Variants in TBCD observed in about 807,000 individuals in gnomAD.
TBCD encodes tubulin-specific chaperone D.
A neutral mutation model predicts 169.3 loss-of-function variants in TBCD; 105 were observed. The observed-to-expected ratio is 0.62, with a 90% CI of 0.53 to 0.73. The LOEUF (loss-of-function observed/expected upper bound fraction) is 0.73. Ranked by LOEUF, TBCD falls within the 30% of genes least tolerant of loss-of-function variation. The probability of loss-of-function intolerance (pLI) is 0.00; values close to 1 mark genes in which losing one functional copy is unlikely to be tolerated. For synonymous variants in TBCD, 700 were observed against 643.9 expected, an observed-to-expected ratio of 1.09 and a Z score of -1.32; for missense variants, 1,444 against 1,600.1, an observed-to-expected ratio of 0.90 and a Z score of 1.66.
intron 13 of TBCD, among the ~76,000 whole-genome samples, chr17:82,828,445 C>T (rs1029183598): frequency 3.3e-5 from 5 of 150,668 alleles, no homozygotes; most frequent in South Asian, 2.1e-4. Flanking sequence ...GACACGCACA[C>T]GATTGAATAT....
intron 12 of TBCD, among the ~76,000 whole-genome samples, chr17:82,810,432 G>GCA (rs1159309723): frequency 6.6e-6 from 1 of 152,216 alleles, no homozygotes; most frequent in African/African-American, 2.4e-5. Flanking sequence ...AACAGAGTGA[G>GCA]ACCCGGTCTC....
In TBCD at chr17:82,782,659, C is replaced by T. The variant is rs972674296; in HGVS notation, c.771+938C>T. On this transcript the variant is annotated intron_variant, in intron 7 of 38. Coordinates refer to ENST00000355528, the MANE Select transcript of TBCD (RefSeq NM_005993.5). The surrounding 1 kb of genome is among the most constrained non-coding windows in gnomAD (Gnocchi z 5.1). ...CCGCGCCTGGAAGGACACTTTGGAG[C>T]GCGTTTTAGGGGAGATGATGAGTGC... 7.9e-5 allele frequency among the ~76,000 whole-genome samples: 12 copies of T among 152,150 alleles called. No individual in the cohort carries two copies. The highest frequency in any genetic ancestry group is 3.3e-4 in the Admixed American group (5 of 15,270).
rs1192883344 is a variant in TBCD at position 82,870,339 on chromosome 17, T to C, written c.1434T>C (p.Tyr478=). The change falls in exon 14 of 39, where the codon TAT becomes TAC. Residue 478 remains tyrosine (Y), a synonymous_variant. Coordinates refer to ENST00000355528, the MANE Select transcript of TBCD (RefSeq NM_005993.5). Reference sequence around the variant, plus strand: ...TGTGCTGGGCCTTCGCGCGTGCCTATGAGCCTCAGGAGCTGAAGCCCTTTG... The same window carrying C: ...TGTGCTGGGCCTTCGCGCGTGCCTACGAGCCTCAGGAGCTGAAGCCCTTTG... ...CYVCWAFARA[Y]EPQELKPFVT... is the part of the protein sequence containing the mutation. 6.2e-7 allele frequency: 1 copy of C among 1,613,288 alleles called. No homozygotes were observed. The highest frequency in any genetic ancestry group is 1.7e-5 in the Admixed American group (1 of 60,026).
intron 34 of TBCD, among the ~76,000 whole-genome samples, chr17:82,934,894 T>G (rs2062490199): frequency 6.6e-6 from 1 of 151,894 alleles, no homozygotes; most frequent in African/African-American, 2.4e-5. Context: ...AGCTCCGGAG[T>G]TTGAGACCAG....
intron 15 of TBCD, among the ~76,000 whole-genome samples, chr17:82,888,259 G>A (rs116134732): frequency 0.014 from 2,082 of 152,308 alleles, 64 homozygotes; most frequent in African/African-American, 0.048. Context: ...ACTGTGTGAC[G>A]GGCTGTGCTG....
chr17:82,900,634 C>T lies in TBCD; in HGVS notation c.1650-17C>T. 1 of 1,610,894 alleles carries T rather than the reference C, an allele frequency of 6.2e-7. No homozygotes were observed. The highest frequency in any genetic ancestry group is 8.5e-7 in the Non-Finnish European group (1 of 1,177,100). ...GTTCTTCCGCGTCTCACCACCTCTC[C>T]ATGCTGTCTTTTCCAGTGTGTTTAT... is the stretch of plus-strand genomic sequence containing the variant. On this transcript the variant is annotated splice_polypyrimidine_tract_variant and intron_variant, in intron 17 of 38. Transcript: ENST00000355528.
intron 16 of TBCD, 24 bp from the exon 17 acceptor site, chr17:82,893,522 TC>T: frequency 1.3e-6 from 2 of 1,539,726 alleles, no homozygotes; most frequent in Non-Finnish European, 8.9e-7. Context: ...TTCTTCTTTT[TC>T]CCCCATTTCC....
chr17:82,860,958 C>T (rs1046955850), intron 13 of TBCD, among the ~76,000 whole-genome samples: 1 of 152,134 alleles, frequency 6.6e-6, no homozygotes, highest in Non-Finnish European at 1.5e-5. Flanking sequence ...AGGGACTTGG[C>T]GGGGGGAGCT....
In TBCD at chr17:82,790,233, C is replaced by G. The variant is rs1001272852; in HGVS notation, c.772-7524C>G. On this transcript the variant is annotated intron_variant, in intron 7 of 38. Transcript: ENST00000355528. ...CTCCCGCCTCTCCTGTGGCTGTCGG[C>G]TGCAGTAAAGGTGCTGGTGGAGGGT... Among the ~76,000 whole-genome samples, 161 of 152,306 alleles carry G rather than the reference C, an allele frequency of 1.1e-3. 1 individual carries two copies. The highest frequency in any genetic ancestry group is 0.01 in the Middle Eastern group (3 of 294).
chr17:82,905,077 GCCTC>G lies in TBCD; in HGVS notation c.1805-854_1805-851del, dbSNP rs2060142099. Reference sequence around the variant, plus strand: ...TTCCCCACGCAGGTGTGGCAGAGCCGCCTCCCTCTGCGTCCGTGAGGGTTCTGAG... The same window carrying G: ...TTCCCCACGCAGGTGTGGCAGAGCCGCCTCTGCGTCCGTGAGGGTTCTGAG... On this transcript the variant is annotated intron_variant, in intron 19 of 38. Coordinates refer to ENST00000355528, the MANE Select transcript of TBCD (RefSeq NM_005993.5). Among the ~76,000 whole-genome samples the G allele has an allele frequency of 5.9e-5, 9 of 152,300 alleles. No individual in the cohort carries two copies. In the South Asian group the frequency reaches 1.9e-3, roughly 32 times the overall value.
At chr17:82,905,863 G>A (rs1422932955) in intron 19 of TBCD, 73 bp from the exon 20 acceptor site, 1 of 1,226,070 alleles carries the variant, frequency 8.2e-7, no homozygotes, top group Non-Finnish European at 1.2e-6. Flanking sequence ...CCCTGTGTGG[G>A]TGCGTGTGGG....
chr17:82,752,089 G>C lies in TBCD; in HGVS notation c.-105G>C, dbSNP rs551997792. Reference sequence around the variant, plus strand: ...GGCCAGCGTCGGTTGCCGCCTTAGCGGGCGCCTCCTTTTCATCCCTCATCC... The same window carrying C: ...GGCCAGCGTCGGTTGCCGCCTTAGCCGGCGCCTCCTTTTCATCCCTCATCC... On this transcript the variant is annotated 5_prime_UTR_variant, in exon 1 of 39. Coordinates refer to ENST00000355528, the MANE Select transcript of TBCD (RefSeq NM_005993.5). The C allele has an allele frequency of 2.4e-6, 3 of 1,270,420 alleles. No homozygotes were observed. Among genetic ancestry groups the C allele is most frequent in the Admixed American group, 4.0e-5 (1 of 24,936 alleles). The allele number at this position is 1,270,420 out of a possible 1,614,324, so 78.7% of individuals were successfully genotyped here.
chr17:82,758,696 G>A (rs1350810074), intron 2 of TBCD, among the ~76,000 whole-genome samples: 1 of 102,886 alleles, frequency 9.7e-6, no homozygotes, highest in African/African-American at 3.9e-5. Context: ...TAGTCTCTCT[G>A]TTGCCCAGGC....
chr17:82,916,743 C>T (rs1387254894), intron 23 of TBCD, among the ~76,000 whole-genome samples: 2 of 151,986 alleles, frequency 1.3e-5, no homozygotes, highest in South Asian at 2.1e-4. Flanking sequence ...GCACTTTTAC[C>T]GTGATATTCC....
chr17:82,883,853 C>T (rs1018437205), intron 14 of TBCD, among the ~76,000 whole-genome samples: 1 of 152,238 alleles, frequency 6.6e-6, no homozygotes, highest in East Asian at 1.9e-4. Flanking sequence ...GCGTTCTGCC[C>T]CCAGGCCCTG....
At chr17:82,753,077 G>C (rs1191023853) in intron 1 of TBCD, among the ~76,000 whole-genome samples, 1 of 152,214 alleles carries the variant, frequency 6.6e-6, no homozygotes, top group African/African-American at 2.4e-5. Flanking sequence ...CAAGTCCTTA[G>C]GAGCTCATAG....
chr17:82,773,587 C>T (rs895383217), intron 6 of TBCD, among the ~76,000 whole-genome samples: 4 of 152,052 alleles, frequency 2.6e-5, no homozygotes, highest in Admixed American at 2.0e-4. Flanking sequence ...ATGGTCTCCC[C>T]GCGGGGCGGC....
intron 11 of TBCD, 138 bp from the exon 12 acceptor site, chr17:82,809,570 C>G (rs570320301): frequency 6.1e-5 from 52 of 846,676 alleles, no homozygotes; most frequent in Admixed American, 1.7e-4. Flanking sequence ...AAGCAGGGTG[C>G]GGGCTTGCCT....
intron 28 of TBCD, 95 bp from the exon 29 acceptor site, chr17:82,927,091 T>C: frequency 6.4e-7 from 1 of 1,559,198 alleles, no homozygotes; most frequent in Non-Finnish European, 8.7e-7. Flanking sequence ...TCTGAGCGTG[T>C]CTTCTCAGGA....
Sources: allele counts gnomAD v4.1 joint callset (sites outside exome capture counted in the v4.1 genomes callset), GRCh38; gene constraint gnomAD v4.1.1; non-coding constraint Gnocchi (gnomAD v3.1); transcripts MANE v1.5; gene names NCBI Gene and HGNC (gene_info 2026-07-23, HGNC 2026-07-21).